LTBP1: variants seen among roughly 807,000 people sequenced by gnomAD.
The protein encoded by LTBP1 is latent-transforming growth factor beta-binding protein 1.
In LTBP1, 129 loss-of-function variants were observed where a neutral mutation model predicts 207.6. The observed-to-expected ratio is 0.62, with a 90% CI of 0.54 to 0.72. The LOEUF (loss-of-function observed/expected upper bound fraction) is 0.72, where lower values mean the gene tolerates loss of function less well. Among genes scored for constraint, LTBP1 ranks in the 30% least tolerant of loss-of-function variants. The pLI, the probability that LTBP1 is intolerant of heterozygous loss-of-function variation, is 0.00. For synonymous variants in LTBP1, 963 were observed against 833.7 expected, an observed-to-expected ratio of 1.16 and a Z score of -2.67; for missense variants, 2,281 against 2,217.2, an observed-to-expected ratio of 1.03 and a Z score of -0.58.
At chr2:32,988,162 C>T (rs1219993922) in intron 2 of LTBP1, among the ~76,000 whole-genome samples, 1 of 152,164 alleles carries the variant, frequency 6.6e-6, no homozygotes, top group Non-Finnish European at 1.5e-5. Flanking sequence ...GATTTCATCC[C>T]AGTAATATGG....
intron 22 of LTBP1, among the ~76,000 whole-genome samples, chr2:33,307,701 A>G (rs575931186): frequency 6.6e-6 from 1 of 152,386 alleles, no homozygotes; most frequent in South Asian, 2.1e-4. Context: ...AGAAAAACAC[A>G]TTAAAGAAAA....
At chr2:33,085,583 A>T (rs2078699903) in intron 3 of LTBP1, among the ~76,000 whole-genome samples, 1 of 152,192 alleles carries the variant, frequency 6.6e-6, no homozygotes, top group South Asian at 2.1e-4. Flanking sequence ...CAAGCATTGT[A>T]CCTACATTAT....
At chr2:33,049,113 A>G (rs2076596247) in intron 3 of LTBP1, among the ~76,000 whole-genome samples, 1 of 152,238 alleles carries the variant, frequency 6.6e-6, no homozygotes. Context: ...AAATAAATGT[A>G]CAGAAATAGT....
At chr2:33,191,168 A>T (rs1157816754) in intron 7 of LTBP1, among the ~76,000 whole-genome samples, 1 of 152,226 alleles carries the variant, frequency 6.6e-6, no homozygotes, top group African/African-American at 2.4e-5. Context: ...CACAGATGAT[A>T]AAAAGCAAGA....
chr2:33,262,922 C>A, intron 14 of LTBP1, 101 bp downstream of exon 14: 1 of 699,686 alleles, frequency 1.4e-6, no homozygotes, highest in Non-Finnish European at 2.4e-6. Flanking sequence ...TACTAGACTT[C>A]ATAACTGAAG....
chr2:33,201,250 G>C (rs1466673790), intron 7 of LTBP1, among the ~76,000 whole-genome samples: 1 of 152,030 alleles, frequency 6.6e-6, no homozygotes, highest in Non-Finnish European at 1.5e-5. Context: ...ATGATAGACT[G>C]GATTAAGAAA....
intron 3 of LTBP1, among the ~76,000 whole-genome samples, chr2:33,042,573 A>G (rs2076242649): frequency 6.6e-6 from 1 of 152,224 alleles, no homozygotes; most frequent in Non-Finnish European, 1.5e-5. Flanking sequence ...TACTCTGATG[A>G]GAAAAGCAAC....
intron 2 of LTBP1, among the ~76,000 whole-genome samples, chr2:32,957,556 G>A (rs1037085975): frequency 6.6e-6 from 1 of 152,040 alleles, no homozygotes; most frequent in African/African-American, 2.4e-5. Flanking sequence ...TATGATTTGT[G>A]GTGCCCCAAA....
intron 24 of LTBP1, among the ~76,000 whole-genome samples, chr2:33,329,033 A>G (rs912852806): frequency 2.0e-5 from 3 of 152,214 alleles, no homozygotes; most frequent in African/African-American, 7.2e-5. Context: ...TCTGTTGGAT[A>G]TCACTAAGAA....
rs778935924 is a variant in LTBP1 at position 33,280,150 on chromosome 2, A to G, written c.3104A>G (p.Gln1035Arg). The G allele has an allele frequency of 1.9e-6, 3 of 1,614,082 alleles. No homozygotes were observed. Among genetic ancestry groups the G allele is most frequent in the Non-Finnish European group, 2.5e-6 (3 of 1,179,978 alleles). ...GAAGGATTCCGAGGCTGGAATGGACAGTGCCTTGGTAGGTACTATAGTGTA... is the reference window on the plus strand; with the variant it reads ...GAAGGATTCCGAGGCTGGAATGGACGGTGCCTTGGTAGGTACTATAGTGTA... The part of the protein sequence containing the change: ...CTEGFRGWNG[Q>R]CLDVDECLEP... Residue 1035 changes from glutamine (Q) to arginine (R), a missense_variant, in exon 19 of 34, where the codon CAG becomes CGG. Around this residue, in one of 3 missense-constraint regions of LTBP1, gnomAD observed 1,671 missense variants for 1,634.8 expected, o/e 1.02. Transcript: ENST00000404816.
In LTBP1 at chr2:33,389,249, T is replaced by G. The variant is rs768788907; in HGVS notation, c.4777T>G (p.Leu1593Val). 1.2e-5 allele frequency: 20 copies of G among 1,614,072 alleles called. 1 individual carries two copies. The African/African-American group carries it at 2.3e-4, about 18-fold the overall frequency. ...CCGGCAGCCATATGGACGGGACGCC[T>G]TGGTTGACTTCAGTGAACAGTATAC... The part of the protein sequence containing the change: ...GRRQPYGRDA[L>V]VDFSEQYTPE... The change falls in exon 32 of 34, where the codon TTG (leucine) becomes GTG (valine). Residue 1593 changes from leucine (L) to valine (V), a missense_variant. Leu to Val is a conservative substitution (Grantham distance 32, BLOSUM62 1). Around this residue, in one of 3 missense-constraint regions of LTBP1, gnomAD observed 1,671 missense variants for 1,634.8 expected, o/e 1.02. Coordinates refer to ENST00000404816, the MANE Select transcript of LTBP1 (RefSeq NM_206943.4).
intron 7 of LTBP1, among the ~76,000 whole-genome samples, chr2:33,198,945 T>A (rs1184407657): frequency 6.6e-6 from 1 of 152,222 alleles, no homozygotes. Context: ...TGCTAGCTTT[T>A]GAATGTGTTT....
chr2:33,231,000 C>T (rs1420480691), intron 9 of LTBP1, among the ~76,000 whole-genome samples: 2 of 152,154 alleles, frequency 1.3e-5, no homozygotes, highest in Non-Finnish European at 2.9e-5. Context: ...TAGATCATCT[C>T]GAAGACTTTT....
intron 24 of LTBP1, among the ~76,000 whole-genome samples, chr2:33,340,143 A>G (rs542560652): frequency 1.5e-4 from 23 of 151,968 alleles, no homozygotes; most frequent in Admixed American, 9.2e-4. Flanking sequence ...CTGTAGTCCC[A>G]GCTACTCAGG....
chr2:33,057,366 C>T (rs2077053077), intron 3 of LTBP1, among the ~76,000 whole-genome samples: 1 of 152,230 alleles, frequency 6.6e-6, no homozygotes, highest in Non-Finnish European at 1.5e-5. Context: ...TGGCTTCACC[C>T]AGTGGGTCTC....
chr2:33,056,875 G>A (rs1004506027), intron 3 of LTBP1, among the ~76,000 whole-genome samples: 4 of 151,916 alleles, frequency 2.6e-5, no homozygotes, highest in Admixed American at 6.6e-5. Flanking sequence ...TCTCTTATCC[G>A]GCCCCACCCA....
intron 31 of LTBP1, among the ~76,000 whole-genome samples, chr2:33,381,056 T>A (rs896921329): frequency 5.3e-5 from 8 of 152,226 alleles, no homozygotes; most frequent in Non-Finnish European, 8.8e-5. Flanking sequence ...AAATTTAACA[T>A]GCTGAACACT....
intron 24 of LTBP1, among the ~76,000 whole-genome samples, chr2:33,330,381 T>C (rs1351116591): frequency 6.6e-6 from 1 of 151,864 alleles, no homozygotes; most frequent in East Asian, 1.9e-4. Context: ...TACTGTACTG[T>C]CTAGGACCTC....
chr2:33,130,567 C>A (rs1163171376), intron 4 of LTBP1, among the ~76,000 whole-genome samples: 2 of 152,088 alleles, frequency 1.3e-5, no homozygotes, highest in African/African-American at 2.4e-5. Flanking sequence ...TGTTAACAAC[C>A]CCGAAGCAGA....
Sources: gnomAD v4.1 joint callset for allele counts (sites outside exome capture counted in the v4.1 genomes callset) on GRCh38, gnomAD v4.1.1 for gene constraint, gnomAD v4.1.1 regional missense constraint, MANE v1.5 for transcripts, NCBI Gene and HGNC (gene_info 2026-07-23, HGNC 2026-07-21) for gene names.